MACROD2: variants seen among roughly 807,000 people sequenced by gnomAD.
MACROD2 encodes ADP-ribose glycohydrolase MACROD2.
Under a neutral mutation model 70.4 loss-of-function variants are expected in MACROD2, and 36 were observed. The observed-to-expected ratio is 0.51, with a 90% confidence interval of 0.39 to 0.68. The LOEUF (loss-of-function observed/expected upper bound fraction) is 0.68, where lower values mean the gene tolerates loss of function less well. Among genes scored for constraint, MACROD2 ranks in the 30% least tolerant of loss-of-function variants. MACROD2 has a pLI of 0.00. For synonymous variants in MACROD2, 172 were observed against 178.8 expected (o/e 0.96, Z 0.30); for missense variants, 496 against 538.4 (o/e 0.92, Z 0.78).
chr20:15,541,378 CA>C (rs2047953521), intron 8 of MACROD2, among the ~76,000 whole-genome samples: 1 of 151,992 alleles, frequency 6.6e-6, no homozygotes, highest in African/African-American at 2.4e-5. Context: ...TTTTAAAAAT[CA>C]GAAGGAAAGG....
intron 6 of MACROD2, among the ~76,000 whole-genome samples, chr20:15,270,852 A>G (rs2077340327): frequency 6.6e-6 from 1 of 152,134 alleles, no homozygotes; most frequent in African/African-American, 2.4e-5. Flanking sequence ...AACCTTACTC[A>G]GAGCATGCCT....
intron 3 of MACROD2, among the ~76,000 whole-genome samples, chr20:14,309,334 A>G (rs1006200328): frequency 2.0e-5 from 3 of 152,172 alleles, no homozygotes; most frequent in Non-Finnish European, 4.4e-5. Flanking sequence ...TTATGAAAAG[A>G]ATACAGTACT....
At chr20:15,996,278 T>C (rs898021851) in intron 15 of MACROD2, among the ~76,000 whole-genome samples, 1 of 152,130 alleles carries the variant, frequency 6.6e-6, no homozygotes, top group African/African-American at 2.4e-5. Flanking sequence ...GCACCTTATC[T>C]CATATCTATT....
intron 8 of MACROD2, among the ~76,000 whole-genome samples, chr20:15,778,860 A>G (rs948733788): frequency 1.3e-5 from 2 of 152,148 alleles, no homozygotes; most frequent in Admixed American, 1.3e-4. Flanking sequence ...AAGGGAAAGA[A>G]AAGTGATTTA....
At chr20:14,686,306 T>G (rs1246986815) in intron 5 of MACROD2, among the ~76,000 whole-genome samples, 3 of 152,168 alleles carry the variant, frequency 2.0e-5, no homozygotes, top group Non-Finnish European at 4.4e-5. Flanking sequence ...AGCACAAAAT[T>G]CATTTATGTT....
chr20:14,810,695 C>G (rs745418133), intron 5 of MACROD2, among the ~76,000 whole-genome samples: 1 of 151,676 alleles, frequency 6.6e-6, no homozygotes, highest in Non-Finnish European at 1.5e-5. Flanking sequence ...AAAACCCCAT[C>G]GTCAGCCCAA....
chr20:15,117,337 T>A (rs902605881), intron 5 of MACROD2, among the ~76,000 whole-genome samples: 1 of 152,184 alleles, frequency 6.6e-6, no homozygotes, highest in Non-Finnish European at 1.5e-5. Context: ...AAAAACATAA[T>A]TGAGATTTTG....
At chr20:15,952,986 A>T (rs919506194) in intron 12 of MACROD2, among the ~76,000 whole-genome samples, 5 of 152,088 alleles carry the variant, frequency 3.3e-5, no homozygotes, top group Admixed American at 2.6e-4. Context: ...TCTTTTCCTT[A>T]TGAGTCTGCT....
chr20:14,110,932 A>G (rs1234602723), intron 3 of MACROD2, among the ~76,000 whole-genome samples: 1 of 152,020 alleles, frequency 6.6e-6, no homozygotes, highest in Non-Finnish European at 1.5e-5. Context: ...TATCCTGAAC[A>G]ACAGGAGCAA....
intron 5 of MACROD2, among the ~76,000 whole-genome samples, chr20:15,146,055 A>G (rs1294155081): frequency 1.3e-5 from 2 of 152,156 alleles, no homozygotes; most frequent in African/African-American, 2.4e-5. Flanking sequence ...TTTATTTGTT[A>G]CATTTATTCC....
At chr20:15,454,406 AACACACACACACACACACACAC>A (rs10523169) in intron 7 of MACROD2, among the ~76,000 whole-genome samples, 1,791 of 137,462 alleles carry the variant, frequency 0.013, 15 homozygotes, top group South Asian at 0.026. Flanking sequence ...GACATATTCA[AACACACACACACACACACACAC>A]ACACACACAC....
chr20:15,895,747 T>C (rs1230567151), intron 10 of MACROD2, among the ~76,000 whole-genome samples: 5 of 152,212 alleles, frequency 3.3e-5, no homozygotes, highest in African/African-American at 1.2e-4. Context: ...ACAGCCTGAG[T>C]TCCACAGGAT....
At chr20:14,235,974 G>T (rs977433307) in intron 3 of MACROD2, among the ~76,000 whole-genome samples, 8 of 152,006 alleles carry the variant, frequency 5.3e-5, no homozygotes, top group Admixed American at 5.2e-4. Context: ...TGGACTAGTT[G>T]CCAGTTAACC....
chr20:14,319,704 C>T (rs1028714546), intron 3 of MACROD2, among the ~76,000 whole-genome samples: 6 of 152,176 alleles, frequency 3.9e-5, no homozygotes, highest in Middle Eastern at 3.2e-3. Flanking sequence ...TTGACATCCT[C>T]CTTTTTTAAT....
intron 5 of MACROD2, among the ~76,000 whole-genome samples, chr20:14,698,808 A>G (rs1326525762): frequency 6.7e-6 from 1 of 149,420 alleles, no homozygotes; most frequent in Non-Finnish European, 1.5e-5. Flanking sequence ...ATTTTAATAA[A>G]TTTAGTATAA....
chr20:14,173,494 G>T (rs1006853735), intron 3 of MACROD2, among the ~76,000 whole-genome samples: 4 of 151,802 alleles, frequency 2.6e-5, no homozygotes, highest in African/African-American at 9.7e-5. Context: ...GCTATCTATT[G>T]CAGTGAAGAT....
chr20:15,314,600 C>A (rs1370473173), intron 6 of MACROD2, among the ~76,000 whole-genome samples: 2 of 152,276 alleles, frequency 1.3e-5, no homozygotes, highest in African/African-American at 2.4e-5. Context: ...TCAAACAAAT[C>A]TTGGGGCTTG....
chr20:14,907,330 C>A (rs2073970995), intron 5 of MACROD2, among the ~76,000 whole-genome samples: 1 of 152,238 alleles, frequency 6.6e-6, no homozygotes, highest in Admixed American at 6.5e-5. Flanking sequence ...AGTGCCTCTG[C>A]TGCTGCTGTA....
In MACROD2 at chr20:14,656,486, A is replaced by G. The variant is rs6110377; in HGVS notation, c.302-28357A>G. On this transcript the variant is annotated intron_variant, in intron 4 of 17. Coordinates refer to ENST00000684519, the MANE Select transcript of MACROD2 (RefSeq NM_001351661.2). ...CCACTGGCAACAATGGATGTATCCTAGTTCATTTGAACATTTTCCTCTCTC... is the reference window on the plus strand; with the variant it reads ...CCACTGGCAACAATGGATGTATCCTGGTTCATTTGAACATTTTCCTCTCTC... 1.6e-3 allele frequency among the ~76,000 whole-genome samples: 245 copies of G among 152,378 alleles called. 1 individual carries two copies. The highest frequency in any genetic ancestry group is 5.5e-3 in the African/African-American group (227 of 41,590).
Sources: gnomAD v4.1 joint callset for allele counts (sites outside exome capture counted in the v4.1 genomes callset) on GRCh38, gnomAD v4.1.1 for gene constraint, MANE v1.5 for transcripts, NCBI Gene and HGNC (gene_info 2026-07-23, HGNC 2026-07-21) for gene names.